Variants in EDIL3 observed in about 807,000 individuals in gnomAD.
The protein encoded by EDIL3 is EGF like and discoidin domains 3, also known as EGF-like repeat and discoidin I-like domain-containing protein 3.
In EDIL3, 37 loss-of-function variants were observed where a neutral mutation model predicts 67.4. The ratio of observed to expected loss-of-function variants is 0.55; its 90% CI spans 0.42 to 0.72. EDIL3 has a LOEUF of 0.72. EDIL3 is among the 30% of genes least tolerant of loss of function. The pLI, the probability that EDIL3 is intolerant of heterozygous loss-of-function variation, is 0.00. For synonymous variants in EDIL3, 195 were observed against 196.3 expected (o/e 0.99, Z 0.05); for missense variants, 527 against 586.3 (o/e 0.90, Z 1.04).
chr5:83,997,086 G>C (rs1401813333), intron 9 of EDIL3, among the ~76,000 whole-genome samples: 1 of 152,180 alleles, frequency 6.6e-6, no homozygotes, highest in Non-Finnish European at 1.5e-5. Flanking sequence ...ATACTGGTTG[G>C]TATGGCAGAA....
Position 84,358,189 on chromosome 5 carries a change from C to T in EDIL3, c.67+26119G>A, listed in dbSNP as rs139458504. Among the ~76,000 whole-genome samples, 639 of 152,256 alleles carry T rather than the reference C, an allele frequency of 4.2e-3. 3 individuals are homozygous for T. Among genetic ancestry groups the T allele is most frequent in the African/African-American group, 0.014 (594 of 41,568 alleles). On this transcript the variant is annotated intron_variant, in intron 1 of 10. Transcript: ENST00000296591. ...ATGGAGACAGTGAATTCTGAAATTA[C>T]ACCTGGTTTTCTCTAACTAATGCAT...
At chr5:84,380,715 GAA>G (rs1465870590) in intron 1 of EDIL3, among the ~76,000 whole-genome samples, 2 of 151,988 alleles carry the variant, frequency 1.3e-5, no homozygotes, top group Non-Finnish European at 2.9e-5. Context: ...CTTCAAAAAT[GAA>G]AAGTTTTAGC....
In EDIL3 at chr5:83,942,560, T is replaced by C. The variant is rs1399003551; in HGVS notation, c.*859A>G. On this transcript the variant is annotated 3_prime_UTR_variant, in exon 11 of 11. Transcript: ENST00000296591. ...TTTAAAGAGACATATATATTTTTTG[T>C]TCTTTTGTGCAAACTGAGAGTATGG... The C allele has an allele frequency of 1.3e-5, 2 of 152,092 alleles. No individual in the cohort carries two copies. Among genetic ancestry groups the C allele is most frequent in the East Asian group, 3.9e-4 (2 of 5,176 alleles). The allele number at this position is 152,092 out of a possible 1,614,324, so 9.4% of individuals were successfully genotyped here.
At chr5:83,954,157 A>AAT (rs746847451) in intron 10 of EDIL3, among the ~76,000 whole-genome samples, 51 of 151,790 alleles carry the variant, frequency 3.4e-4, no homozygotes, top group Non-Finnish European at 4.9e-4. Context: ...TAAAAATGGC[A>AAT]ATATGTATCA....
At chr5:84,358,636 C>T (rs942364281) in intron 1 of EDIL3, among the ~76,000 whole-genome samples, 6 of 101,746 alleles carry the variant, frequency 5.9e-5, no homozygotes, top group Non-Finnish European at 1.1e-4. Flanking sequence ...CAGAGTCTTG[C>T]TCTATCACCC....
At chr5:84,125,839 T>C (rs1747860634) in intron 5 of EDIL3, among the ~76,000 whole-genome samples, 1 of 151,910 alleles carries the variant, frequency 6.6e-6, no homozygotes, top group Non-Finnish European at 1.5e-5. Flanking sequence ...TGGATAATAA[T>C]CACTTTTAAG....
intron 9 of EDIL3, among the ~76,000 whole-genome samples, chr5:84,055,801 C>T (rs375437657): frequency 4.6e-5 from 7 of 152,112 alleles, no homozygotes; most frequent in South Asian, 2.1e-4. Context: ...ATTCAAAAGT[C>T]AGGAAACAAC....
At chr5:84,323,127 T>C (rs1490403722) in intron 1 of EDIL3, among the ~76,000 whole-genome samples, 1 of 152,094 alleles carries the variant, frequency 6.6e-6, no homozygotes, top group African/African-American at 2.4e-5. Flanking sequence ...TTTTTTAAAT[T>C]ATTAATGTAA....
At chr5:84,054,457 A>G (rs1746403918) in intron 9 of EDIL3, among the ~76,000 whole-genome samples, 1 of 152,230 alleles carries the variant, frequency 6.6e-6, no homozygotes, top group Non-Finnish European at 1.5e-5. Flanking sequence ...AATTCTGACC[A>G]GGGCAATCAG....
At chr5:84,223,420 T>C (rs1256706217) in intron 3 of EDIL3, among the ~76,000 whole-genome samples, 1 of 151,662 alleles carries the variant, frequency 6.6e-6, no homozygotes, top group Non-Finnish European at 1.5e-5. Flanking sequence ...AAGAAACTTA[T>C]ATAATGGAAT....
intron 3 of EDIL3, among the ~76,000 whole-genome samples, chr5:84,214,538 G>A (rs940946327): frequency 7.2e-5 from 11 of 151,906 alleles, no homozygotes; most frequent in Admixed American, 2.0e-4. Context: ...TCAATATCTG[G>A]TTGCTTGAAT....
chr5:84,118,314 A>G (rs1747710246), intron 5 of EDIL3, among the ~76,000 whole-genome samples: 1 of 152,196 alleles, frequency 6.6e-6, no homozygotes, highest in Non-Finnish European at 1.5e-5. Context: ...TCAGCTAACT[A>G]AAGCTACATA....
At position 84,072,162 on chromosome 5, in the gene EDIL3, GC is replaced by G. The variant is rs552787931; in HGVS notation, c.652-5557del. ...GTTATTAATTAAAGTAAAAATTTCT[GC>G]AAGATTAAAAGCAAAATAAATACAA... On this transcript the variant is annotated intron_variant, in intron 6 of 10. Transcript: ENST00000296591. Among the ~76,000 whole-genome samples the G allele has an allele frequency of 6.8e-3, 1,031 of 152,088 alleles. 15 individuals carry two copies. Among genetic ancestry groups the G allele is most frequent in the African/African-American group, 0.024 (998 of 41,526 alleles).
intron 3 of EDIL3, among the ~76,000 whole-genome samples, chr5:84,225,390 G>T (rs1019263822): frequency 1.3e-5 from 2 of 151,632 alleles, no homozygotes; most frequent in African/African-American, 4.8e-5. Flanking sequence ...GAATGTGATT[G>T]TCTAAAGTAT....
chr5:84,172,977 C>T (rs1281513767), intron 4 of EDIL3, among the ~76,000 whole-genome samples: 1 of 152,176 alleles, frequency 6.6e-6, no homozygotes, highest in African/African-American at 2.4e-5. Context: ...TGGGTCTGCT[C>T]TTCAGCCTCT....
intron 3 of EDIL3, among the ~76,000 whole-genome samples, chr5:84,184,709 G>T (rs1749075842): frequency 6.6e-6 from 1 of 152,190 alleles, no homozygotes. Flanking sequence ...AGAGTGAACA[G>T]CGGTTTCTTA....
intron 1 of EDIL3, among the ~76,000 whole-genome samples, chr5:84,314,850 T>A (rs1271341916): frequency 6.6e-6 from 1 of 152,066 alleles, no homozygotes; most frequent in Non-Finnish European, 1.5e-5. Context: ...ATCAAAGAAA[T>A]CTTGAGAAAA....
chr5:84,157,393 C>T (rs192091058), intron 4 of EDIL3, among the ~76,000 whole-genome samples: 176 of 151,926 alleles, frequency 1.2e-3, no homozygotes, highest in African/African-American at 3.5e-3. Context: ...GTGAAGTAAG[C>T]AATCCAGTAA....
intron 1 of EDIL3, among the ~76,000 whole-genome samples, chr5:84,312,019 T>G (rs1746401864): frequency 6.6e-6 from 1 of 152,162 alleles, no homozygotes; most frequent in African/African-American, 2.4e-5. Context: ...TTTCCCCACT[T>G]TCTATTCCAC....
Sources: gnomAD v4.1 joint callset for allele counts (sites outside exome capture counted in the v4.1 genomes callset) on GRCh38, gnomAD v4.1.1 for gene constraint, MANE v1.5 for transcripts, NCBI Gene and HGNC (gene_info 2026-07-23, HGNC 2026-07-21) for gene names.